Variants in ROBO1 observed in about 807,000 individuals in gnomAD.
ROBO1 encodes roundabout homolog 1.
Under a neutral mutation model 195.9 loss-of-function variants are expected in ROBO1, and 149 were observed. The ratio of observed to expected loss-of-function variants is 0.76; its 90% confidence interval spans 0.67 to 0.87. The LOEUF (loss-of-function observed/expected upper bound fraction) is 0.87, where lower values mean the gene tolerates loss of function less well. ROBO1 is among the 40% of genes least tolerant of loss of function. The pLI, the probability that ROBO1 is intolerant of heterozygous loss-of-function variation, is 0.00. For synonymous variants in ROBO1, 816 were observed against 733.2 expected, an observed-to-expected ratio of 1.11 and a Z score of -1.82; for missense variants, 1,933 against 2,068.3, an observed-to-expected ratio of 0.93 and a Z score of 1.27.
rs373082633 is a variant in ROBO1 at position 78,670,288 on chromosome 3, C to T, written c.1356G>A (p.Arg452=). Residue 452 remains arginine, a synonymous_variant, in exon 11 of 31, where the codon CGG becomes CGA. Transcript: ENST00000464233. ...GACCTTGTCGAATAACTGGGGGAGG[C>T]CGATCTGCAATCACTGCCAGAAGAA... The part of the protein sequence containing the change: ...YLEVTDVIAD[R]PPPVIRQGPV... 169 of 1,563,056 alleles carry T rather than the reference C, an allele frequency of 1.1e-4. No individual in the cohort carries two copies. In the African/African-American group the frequency reaches 2.1e-3, roughly 19 times the overall value.
intron 24 of ROBO1, 105 bp from the exon 25 acceptor site, chr3:78,631,410 T>TAAATTC: frequency 8.0e-7 from 1 of 1,257,066 alleles, no homozygotes. Flanking sequence ...AATTCATTTA[T>TAAATTC]ATATACAGAG....
In ROBO1 at chr3:79,156,155, G is replaced by C. The variant is rs1405010449; in HGVS notation, c.89-30616C>G. 1.3e-5 allele frequency among the ~76,000 whole-genome samples: 2 copies of C among 151,424 alleles called. 1 individual carries two copies. The highest frequency in any genetic ancestry group is 3.0e-5 in the Non-Finnish European group (2 of 67,768). On this transcript the variant is annotated intron_variant, in intron 2 of 30. Coordinates refer to ENST00000464233, the MANE Select transcript of ROBO1 (RefSeq NM_002941.4). ...TCCCTGATGGAATTCCGTTTATTCT[G>C]CCCATCTCTGCTTAACTGGGACTTC...
At chr3:78,706,883 A>G (rs2081565187) in intron 8 of ROBO1, among the ~76,000 whole-genome samples, 1 of 152,182 alleles carries the variant, frequency 6.6e-6, no homozygotes, top group South Asian at 2.1e-4. Context: ...AAGGATAAAG[A>G]GTAAAGCTGT....
At chr3:79,525,441 T>C (rs925824835) in intron 2 of ROBO1, among the ~76,000 whole-genome samples, 4 of 149,408 alleles carry the variant, frequency 2.7e-5, no homozygotes, top group African/African-American at 9.8e-5. Context: ...TAATCTCTTA[T>C]GTATGTTTTA....
At chr3:79,154,601 G>T (rs2080827612) in intron 2 of ROBO1, among the ~76,000 whole-genome samples, 1 of 151,646 alleles carries the variant, frequency 6.6e-6, no homozygotes. Context: ...CCTCGATGCA[G>T]ATATCAGCCT....
chr3:79,046,750 G>A (rs528236926), intron 3 of ROBO1, among the ~76,000 whole-genome samples: 1 of 152,164 alleles, frequency 6.6e-6, no homozygotes, highest in East Asian at 1.9e-4. Flanking sequence ...GATTATGGGT[G>A]GATCTGATTT....
At chr3:79,419,138 A>G (rs2038120516) in intron 2 of ROBO1, among the ~76,000 whole-genome samples, 1 of 152,142 alleles carries the variant, frequency 6.6e-6, no homozygotes, top group African/African-American at 2.4e-5. Flanking sequence ...AGGAGTATGG[A>G]GTTGAGTCTA....
rs953282905 is a variant in ROBO1, at chr3:79,197,669, T to C, written c.89-72130A>G. ...CACTCACACCAACAATGTACAAGTGTTCCTATTTCTCCACATCCTCTCCAG... is the reference window on the plus strand; with the variant it reads ...CACTCACACCAACAATGTACAAGTGCTCCTATTTCTCCACATCCTCTCCAG... On this transcript the variant is annotated intron_variant, in intron 2 of 30. Transcript: ENST00000464233. Among the ~76,000 whole-genome samples, 4 of 152,124 alleles carry C rather than the reference T, an allele frequency of 2.6e-5. No homozygotes were observed. The South Asian group carries it at 8.3e-4, about 31-fold the overall frequency.
chr3:79,214,826 A>ATATAT lies in ROBO1; in HGVS notation c.89-89288_89-89287insATATA, dbSNP rs1262558726. On this transcript the variant is annotated intron_variant, in intron 2 of 30. Transcript: ENST00000464233. ...CAAAACTGCAAATATATATATATAT[A>ATATAT]TTTTTTTTTTTTTTGAGGTACAGTT... 9.5e-3 allele frequency among the ~76,000 whole-genome samples: 1,220 copies of ATATAT among 129,092 alleles called. 19 individuals carry two copies. Among genetic ancestry groups the ATATAT allele is most frequent in the Non-Finnish European group, 0.014 (861 of 62,452 alleles). The allele number at this position is 129,092 out of a possible 152,430, so 84.7% of individuals were successfully genotyped here. A position where few individuals can be genotyped will look rare whatever the true frequency, so the allele number is the denominator to read the frequency against.
intron 2 of ROBO1, among the ~76,000 whole-genome samples, chr3:79,392,614 A>G (rs912481982): frequency 2.0e-5 from 3 of 152,190 alleles, no homozygotes; most frequent in East Asian, 1.9e-4. Flanking sequence ...TGCAAAAAAT[A>G]CACTTGTGCA....
At chr3:78,995,371 G>A (rs997549570) in intron 3 of ROBO1, among the ~76,000 whole-genome samples, 1 of 152,038 alleles carries the variant, frequency 6.6e-6, no homozygotes, top group African/African-American at 2.4e-5. Context: ...CAAGCATGAT[G>A]AACCTGGAAC....
At chr3:78,888,863 T>C (rs1000321601) in intron 4 of ROBO1, among the ~76,000 whole-genome samples, 13 of 152,204 alleles carry the variant, frequency 8.5e-5, no homozygotes, top group African/African-American at 3.1e-4. Context: ...TACATTAAGA[T>C]TGATTTAAGA....
chr3:78,729,169 A>C (rs1468456839), intron 5 of ROBO1, among the ~76,000 whole-genome samples: 3 of 152,142 alleles, frequency 2.0e-5, no homozygotes, highest in Non-Finnish European at 4.4e-5. Flanking sequence ...CAATTGATAA[A>C]TTGGTAGTTG....
At chr3:79,511,043 C>T (rs1940676462) in intron 2 of ROBO1, among the ~76,000 whole-genome samples, 1 of 152,072 alleles carries the variant, frequency 6.6e-6, no homozygotes, top group South Asian at 2.1e-4. Flanking sequence ...TATGTGCCCA[C>T]TATATATCAG....
intron 4 of ROBO1, among the ~76,000 whole-genome samples, chr3:78,882,049 A>C (rs1396259730): frequency 6.6e-6 from 1 of 151,914 alleles, no homozygotes; most frequent in African/African-American, 2.4e-5. Flanking sequence ...ATTTTTTTAA[A>C]AAGCTAATAG....
intron 3 of ROBO1, among the ~76,000 whole-genome samples, chr3:79,006,667 G>A (rs1576551736): frequency 1.2e-5 from 1 of 85,026 alleles, no homozygotes; most frequent in Non-Finnish European, 2.4e-5. Flanking sequence ...GCAAGATTCA[G>A]CCAGCCACTC....
intron 1 of ROBO1, among the ~76,000 whole-genome samples, chr3:79,758,106 G>A (rs1704503483): frequency 2.0e-5 from 3 of 152,036 alleles, no homozygotes; most frequent in Admixed American, 1.3e-4. Flanking sequence ...TTAAAGCATT[G>A]ATGTTATTAC....
chr3:78,889,496 T>C (rs1226068371), intron 4 of ROBO1, among the ~76,000 whole-genome samples: 2 of 152,348 alleles, frequency 1.3e-5, no homozygotes, highest in Admixed American at 6.5e-5. Flanking sequence ...TTCATTAGCA[T>C]AGACACAGTC....
At chr3:79,649,842 C>A (rs1427054204) in intron 1 of ROBO1, among the ~76,000 whole-genome samples, 2 of 152,154 alleles carry the variant, frequency 1.3e-5, no homozygotes, top group Middle Eastern at 3.4e-3. Flanking sequence ...GTTGATATGT[C>A]TTCTGGAGAT....
Sources: gnomAD v4.1 joint callset for allele counts (sites outside exome capture counted in the v4.1 genomes callset) on GRCh38, gnomAD v4.1.1 for gene constraint, MANE v1.5 for transcripts, NCBI Gene and HGNC (gene_info 2026-07-23, HGNC 2026-07-21) for gene names.